Variants in LIMCH1 observed in about 807,000 individuals in gnomAD.
The protein encoded by LIMCH1 is LIM and calponin homology domains-containing protein 1.
In LIMCH1, 113 loss-of-function variants were observed where a neutral mutation model predicts 176.5. The observed-to-expected ratio is 0.64, with a 90% CI of 0.55 to 0.75. LIMCH1 has a LOEUF of 0.75. LIMCH1 is among the 30% of genes least tolerant of loss of function. The pLI is 0.00. For synonymous variants in LIMCH1, 619 were observed against 645.9 expected (o/e 0.96, Z 0.63); for missense variants, 1,674 against 1,814.9 (o/e 0.92, Z 1.41).
chr4:41,390,581 A>C (rs998140559), intron 1 of LIMCH1, among the ~76,000 whole-genome samples: 1 of 152,244 alleles, frequency 6.6e-6, no homozygotes, highest in Non-Finnish European at 1.5e-5. Flanking sequence ...AAGAATAACA[A>C]ATTTTTTATT....
intron 1 of LIMCH1, among the ~76,000 whole-genome samples, chr4:41,369,720 GAACCCCAGAGCCCTGTGGCC>G (rs1403501104): frequency 1.3e-5 from 2 of 150,978 alleles, no homozygotes; most frequent in Non-Finnish European, 1.5e-5. Flanking sequence ...CTCCTTTGGT[GAACCCCAGAGCCCTGTGGCC>G]AAGGACTGCG....
At chr4:41,406,968 G>T (rs987401269) in intron 1 of LIMCH1, among the ~76,000 whole-genome samples, 1 of 152,106 alleles carries the variant, frequency 6.6e-6, no homozygotes, top group African/African-American at 2.4e-5. Context: ...TGAGAGCACG[G>T]GTACGAGTGA....
At chr4:41,613,123 T>C in intron 4 of LIMCH1, 1 of 1,531,856 alleles carries the variant, frequency 6.5e-7, no homozygotes, top group Non-Finnish European at 8.9e-7. Context: ...TTTTCGTTTT[T>C]GTTTTGAACT....
intron 2 of LIMCH1, among the ~76,000 whole-genome samples, chr4:41,501,340 G>A (rs1229453640): frequency 6.6e-6 from 1 of 152,230 alleles, no homozygotes; most frequent in African/African-American, 2.4e-5. Context: ...ATTCTTAAGT[G>A]TTTTAGAATC....
At chr4:41,693,812 C>T (rs956334630) in intron 31 of LIMCH1, among the ~76,000 whole-genome samples, 3 of 152,068 alleles carry the variant, frequency 2.0e-5, no homozygotes, top group African/African-American at 4.8e-5. Context: ...GAAGAGGGCA[C>T]TGTTAGGTTG....
intron 12 of LIMCH1, 106 bp downstream of exon 12, chr4:41,633,191 T>G: frequency 1.3e-6 from 1 of 763,114 alleles, no homozygotes; most frequent in South Asian, 1.7e-5. Context: ...ACCTGGCGAC[T>G]GATAGAGCGT....
chr4:41,564,395 G>C (rs2082441498), intron 1 of LIMCH1, among the ~76,000 whole-genome samples: 1 of 152,152 alleles, frequency 6.6e-6, no homozygotes, highest in Non-Finnish European at 1.5e-5. Flanking sequence ...AAAAATAAAA[G>C]ACACACTTGC....
Position 41,620,705 on chromosome 4 carries a change from G to A in LIMCH1, c.725+15G>A. On this transcript the variant is annotated intron_variant, in intron 7 of 31. Transcript: ENST00000503057. ...CGCTTTGCCAGGTCAGCTCTGGGCT[G>A]AGGGCTGGCCCGGCTGGCTTTCTGC... 6 of 1,523,962 alleles carry A rather than the reference G, an allele frequency of 3.9e-6. No homozygotes were observed. The highest frequency in any genetic ancestry group is 5.3e-6 in the Non-Finnish European group (6 of 1,139,282). The allele number at this position is 1,523,962 out of a possible 1,614,324, so 94.4% of individuals were successfully genotyped here.
At chr4:41,544,310 T>A (rs1474892264) in intron 1 of LIMCH1, among the ~76,000 whole-genome samples, 2 of 152,240 alleles carry the variant, frequency 1.3e-5, no homozygotes, top group Non-Finnish European at 2.9e-5. Flanking sequence ...TTCTTCACTC[T>A]CTGTGTGTGG....
intron 1 of LIMCH1, among the ~76,000 whole-genome samples, chr4:41,367,707 G>C (rs1241762274): frequency 1.1e-4 from 10 of 90,684 alleles, no homozygotes; most frequent in Non-Finnish European, 2.5e-4. Context: ...AAAAAAAAAA[G>C]GAAAGAAAAA....
chr4:41,658,125 T>C (rs922159958), intron 18 of LIMCH1, among the ~76,000 whole-genome samples: 3 of 152,188 alleles, frequency 2.0e-5, no homozygotes, highest in Non-Finnish European at 4.4e-5. Flanking sequence ...TCTAGCAGTA[T>C]GACCCTCGGT....
At chr4:41,483,339 A>G (rs374276784) in intron 1 of LIMCH1, among the ~76,000 whole-genome samples, 4 of 152,200 alleles carry the variant, frequency 2.6e-5, no homozygotes, top group Middle Eastern at 3.4e-3. Context: ...GTCTTCCCCA[A>G]TGGTCTCTGT....
chr4:41,563,292 G>C (rs1002264489), intron 1 of LIMCH1, among the ~76,000 whole-genome samples: 1 of 152,136 alleles, frequency 6.6e-6, no homozygotes, highest in Non-Finnish European at 1.5e-5. Flanking sequence ...ATGGGGGCCT[G>C]CAGTGTATGC....
chr4:41,637,040 C>A (rs1409103772), intron 13 of LIMCH1, among the ~76,000 whole-genome samples: 1 of 152,164 alleles, frequency 6.6e-6, no homozygotes, highest in Admixed American at 6.5e-5. Context: ...ATTAACCATC[C>A]ATTGGGAAGA....
At chr4:41,438,795 C>T (rs1024329954) in intron 1 of LIMCH1, among the ~76,000 whole-genome samples, 6 of 152,202 alleles carry the variant, frequency 3.9e-5, no homozygotes, top group South Asian at 2.1e-4. Flanking sequence ...GCACCTCGCC[C>T]AGGCCAGTTG....
At chr4:41,444,059 C>T (rs956815790) in intron 1 of LIMCH1, among the ~76,000 whole-genome samples, 15 of 152,076 alleles carry the variant, frequency 9.9e-5, no homozygotes, top group African/African-American at 2.9e-4. Context: ...TAGGTATTGT[C>T]CGTGGGACTG....
Position 41,644,495 on chromosome 4 carries a change from C to T in LIMCH1, c.2127-5C>T, listed in dbSNP as rs1241446206. The T allele has an allele frequency of 1.3e-6, 2 of 1,551,672 alleles. No homozygotes were observed. Among genetic ancestry groups the T allele is most frequent in the South Asian group, 1.2e-5 (1 of 83,306 alleles). On this transcript the variant is annotated splice_polypyrimidine_tract_variant and splice_region_variant and intron_variant, in intron 14 of 31. Coordinates refer to ENST00000503057, the MANE Select transcript of LIMCH1 (RefSeq NM_001330672.2). ...CCCTCTTGTGTTCGCTCTCTCCACA[C>T]TCAGGAGCACCAGCATGTTTGACAT...
At chr4:41,549,077 A>G (rs1250956855) in intron 1 of LIMCH1, among the ~76,000 whole-genome samples, 3 of 150,556 alleles carry the variant, frequency 2.0e-5, no homozygotes, top group Non-Finnish European at 3.0e-5. Flanking sequence ...TTTTAAAGAC[A>G]CTTGGTCTCA....
chr4:41,422,663 A>C (rs2060712303), intron 1 of LIMCH1, among the ~76,000 whole-genome samples: 1 of 152,204 alleles, frequency 6.6e-6, no homozygotes, highest in African/African-American at 2.4e-5. Flanking sequence ...GTATATAATC[A>C]ATTTGGGACT....
Sources: gnomAD v4.1 joint callset for allele counts (sites outside exome capture counted in the v4.1 genomes callset) on GRCh38, gnomAD v4.1.1 for gene constraint, MANE v1.5 for transcripts, NCBI Gene and HGNC (gene_info 2026-07-23, HGNC 2026-07-21) for gene names.